SPAG9: variants seen among roughly 807,000 people sequenced by gnomAD.
SPAG9 encodes sperm associated antigen 9.
Under a neutral mutation model 166.5 loss-of-function variants are expected in SPAG9, and 35 were observed. That is an observed-to-expected ratio of 0.21 (90% CI 0.16 to 0.28). The LOEUF is 0.28. SPAG9 is among the 10% of genes least tolerant of loss of function. The probability of loss-of-function intolerance (pLI) is 1.00; values close to 1 mark genes in which losing one functional copy is unlikely to be tolerated. For missense variants in SPAG9, 1,235 were observed against 1,603.3 expected (o/e 0.77, Z 3.92); for synonymous variants, 534 against 565.5 (o/e 0.94, Z 0.79).
At chr17:51,031,574 C>T in intron 6 of SPAG9, 107 bp downstream of exon 6, 1 of 836,092 alleles carries the variant, frequency 1.2e-6, no homozygotes, top group Admixed American at 2.1e-5. Flanking sequence ...CAACAATAGT[C>T]TTCCAAGCTG....
intron 2 of SPAG9, among the ~76,000 whole-genome samples, chr17:51,074,214 C>T (rs577720877): frequency 6.7e-5 from 10 of 149,888 alleles, no homozygotes; most frequent in African/African-American, 1.2e-4. Flanking sequence ...CCAGACTGGG[C>T]GACAGAGCGA....
chr17:51,055,818 G>A (rs551933064), intron 3 of SPAG9, among the ~76,000 whole-genome samples: 1 of 152,260 alleles, frequency 6.6e-6, no homozygotes, highest in East Asian at 1.9e-4. Context: ...ATGAAAGGCT[G>A]ACAGGGAATC....
chr17:51,010,062 T>TA (rs949120595), intron 9 of SPAG9, among the ~76,000 whole-genome samples: 42 of 146,472 alleles, frequency 2.9e-4, no homozygotes, highest in African/African-American at 2.5e-4. Context: ...ACAAGCAAAA[T>TA]AAAAAAAAAA....
At position 50,998,690 on chromosome 17, in the gene SPAG9, T is replaced by C. The variant is rs116336712; in HGVS notation, c.1665-73A>G. 1.5e-3 allele frequency: 2,172 copies of C among 1,434,900 alleles called. 26 individuals carry two copies. The African/African-American group carries it at 0.023, about 15-fold the overall frequency. The allele number at this position is 1,434,900 out of a possible 1,614,324, so 88.9% of individuals were successfully genotyped here. A position where few individuals can be genotyped will look rare whatever the true frequency, so the allele number is the denominator to read the frequency against. ...ATCCTTGATTTTCCACAAACTTTAATGTTGAAGAAAATTTCAGAGTACTTT... is the reference window on the plus strand; with the variant it reads ...ATCCTTGATTTTCCACAAACTTTAACGTTGAAGAAAATTTCAGAGTACTTT... On this transcript the variant is annotated intron_variant, in intron 14 of 29. Coordinates refer to ENST00000262013, the MANE Select transcript of SPAG9 (RefSeq NM_001130528.3).
chr17:51,037,685 A>ATATATATAGTGTGTGTGT, intron 5 of SPAG9, among the ~76,000 whole-genome samples: 2 of 83,510 alleles, frequency 2.4e-5, no homozygotes, highest in African/African-American at 7.8e-5. Context: ...ATATATATAT[A>ATATATATAGTGTGTGTGT]GTGTGTGTGT....
chr17:51,093,657 T>C (rs1409321535), intron 1 of SPAG9, among the ~76,000 whole-genome samples: 2 of 130,660 alleles, frequency 1.5e-5, no homozygotes, highest in African/African-American at 6.0e-5. Flanking sequence ...ATTGCGCCAC[T>C]GCACTCCAGC....
intron 26 of SPAG9, among the ~76,000 whole-genome samples, chr17:50,977,631 G>A (rs144255500): frequency 2.0e-4 from 31 of 152,192 alleles, no homozygotes; most frequent in African/African-American, 7.2e-4. Context: ...GGCAGGGCAC[G>A]GTGGCTCACT....
intron 4 of SPAG9, among the ~76,000 whole-genome samples, chr17:51,045,812 C>A (rs77133002): frequency 3.7e-4 from 56 of 152,182 alleles, no homozygotes; most frequent in South Asian, 8.3e-4. Flanking sequence ...ATGACTACCC[C>A]CACAAGCAGG....
intron 8 of SPAG9, 68 bp downstream of exon 8, chr17:51,020,091 G>C: frequency 1.1e-6 from 1 of 873,532 alleles, no homozygotes; most frequent in Non-Finnish European, 1.9e-6. Context: ...CCAGAGACTG[G>C]AGAACAGTGT....
Position 50,964,673 on chromosome 17 carries a change from G to A in SPAG9, c.*1599C>T. On this transcript the variant is annotated 3_prime_UTR_variant, in exon 30 of 30. Transcript: ENST00000262013. ...TCACACATTTTCAAGAAGCTTGAGA[G>A]GGAAAAAATTGCAGCATCGTGGTTT... The A allele has an allele frequency of 2.3e-6, 1 of 438,730 alleles. No homozygotes were observed. The allele number at this position is 438,730 out of a possible 1,614,324, so 27.2% of individuals were successfully genotyped here. A position where few individuals can be genotyped will look rare whatever the true frequency, so the allele number is the denominator to read the frequency against.
intron 21 of SPAG9, 38 bp from the exon 22 acceptor site, chr17:50,987,275 A>T: frequency 1.3e-6 from 2 of 1,575,356 alleles, no homozygotes; most frequent in Non-Finnish European, 1.7e-6. Flanking sequence ...ATCTGAGTAT[A>T]CTTAACTATC....
At chr17:51,092,582 C>G (rs963690874) in intron 1 of SPAG9, among the ~76,000 whole-genome samples, 6 of 151,804 alleles carry the variant, frequency 4.0e-5, no homozygotes, top group African/African-American at 1.2e-4. Context: ...CCTAAAGATA[C>G]AATGATATAG....
chr17:51,120,397 G>A lies in SPAG9; in HGVS notation c.260C>T (p.Thr87Ile), dbSNP rs2049445318. 6.2e-7 allele frequency: 1 copy of A among 1,610,232 alleles called. No individual in the cohort carries two copies. Among genetic ancestry groups the A allele is most frequent in the Admixed American group, 1.7e-5 (1 of 59,512 alleles). ...CAGCGCCTTCTCCCGCTCGTACTGG[G>A]TGATGAGCTGCTCGTTGTCGTCCCG... is the stretch of plus-strand genomic sequence containing the variant. ...LLRDDNEQLI[T>I]QYEREKALRK... is the part of the protein sequence containing the mutation. Residue 87 changes from threonine to isoleucine, a missense_variant, in exon 1 of 30, where the codon ACC (threonine) becomes ATC (isoleucine). Physicochemically the swap from Thr to Ile is moderately conservative, Grantham distance 89 (BLOSUM62 -1). This residue lies in a region of SPAG9 where 83 missense variants were observed against 149.8 expected (regional missense o/e 0.55). Transcript: ENST00000262013. The surrounding 1 kb of genome is among the most constrained non-coding windows in gnomAD (Gnocchi z 4.7).
intron 5 of SPAG9, among the ~76,000 whole-genome samples, chr17:51,036,872 G>A (rs752298125): frequency 1.3e-5 from 2 of 152,132 alleles, no homozygotes; most frequent in Non-Finnish European, 2.9e-5. Context: ...GAAAGAGAAA[G>A]GGAAGATGAA....
chr17:51,047,340 C>T (rs2047053796), intron 4 of SPAG9, 35 bp downstream of exon 4: 1 of 1,170,858 alleles, frequency 8.5e-7, no homozygotes, highest in Admixed American at 2.2e-5. Flanking sequence ...ATTTATTTTA[C>T]TTTTTCTCAA....
chr17:51,004,926 A>C (rs750702815), intron 12 of SPAG9, among the ~76,000 whole-genome samples: 43 of 152,314 alleles, frequency 2.8e-4, no homozygotes, highest in Non-Finnish European at 3.5e-4. Context: ...CAACAATAAC[A>C]ACAACCAAAA....
chr17:51,059,298 G>A (rs911241247), intron 2 of SPAG9, among the ~76,000 whole-genome samples: 3 of 151,984 alleles, frequency 2.0e-5, no homozygotes, highest in Non-Finnish European at 2.9e-5. Flanking sequence ...ATTCACACAG[G>A]CACTTTCCTC....
In SPAG9 at chr17:51,002,533, G is replaced by A. The variant is rs936062619; in HGVS notation, c.1477-688C>T. The stretch of plus-strand genomic sequence containing the variant: ...CGCAGTGACTCACGCCTGTAGTCGC[G>A]GCACTTTGGGAGTCTGAGGCGGGTA... On this transcript the variant is annotated intron_variant, in intron 12 of 29. Coordinates refer to ENST00000262013, the MANE Select transcript of SPAG9 (RefSeq NM_001130528.3). Among the ~76,000 whole-genome samples the A allele has an allele frequency of 2.6e-5, 4 of 151,994 alleles. 1 individual carries two copies. The highest frequency in any genetic ancestry group is 4.1e-4 in the South Asian group (2 of 4,830).
intron 16 of SPAG9, 57 bp from the exon 17 acceptor site, chr17:50,995,590 G>A (rs2143886596): frequency 9.7e-7 from 1 of 1,027,860 alleles, no homozygotes; most frequent in Non-Finnish European, 1.5e-6. Context: ...CATCAAAAGT[G>A]AACTTATTAC....
Sources: allele counts gnomAD v4.1 joint callset (sites outside exome capture counted in the v4.1 genomes callset), GRCh38; gene constraint gnomAD v4.1.1; regional missense constraint gnomAD v4.1.1; non-coding constraint Gnocchi (gnomAD v3.1); transcripts MANE v1.5; gene names NCBI Gene and HGNC (gene_info 2026-07-23, HGNC 2026-07-21).